DYRK1A: variants seen among roughly 807,000 people sequenced by gnomAD.
DYRK1A encodes the protein dual specificity tyrosine phosphorylation regulated kinase 1A.
A neutral mutation model predicts 79.7 loss-of-function variants in DYRK1A; 9 were observed. The ratio of observed to expected loss-of-function variants is 0.11; its 90% CI spans 0.07 to 0.20. The LOEUF is 0.20. Ranked by LOEUF, DYRK1A falls within the 10% of genes least tolerant of loss-of-function variation. The pLI, the probability that DYRK1A is intolerant of heterozygous loss-of-function variation, is 1.00. For missense variants in DYRK1A, 622 were observed against 956.0 expected (o/e 0.65, Z 4.61); for synonymous variants, 349 against 329.7 (o/e 1.06, Z -0.63).
At chr21:37,506,424 T>A in intron 11 of DYRK1A, 1 of 1,454,376 alleles carries the variant, frequency 6.9e-7, no homozygotes, top group Admixed American at 2.1e-5. Flanking sequence ...GGCTAACACT[T>A]ATTGGGGGCA....
chr21:37,478,262 T>G lies in DYRK1A; in HGVS notation c.262T>G (p.Ser88Ala). ...AGCAACTGCTCCCCTGAGAAAACTTTCTGTTGACTTGATCAAAACATACAA... is the reference window on the plus strand; with the variant it reads ...AGCAACTGCTCCCCTGAGAAAACTTGCTGTTGACTTGATCAAAACATACAA... ...DPATAPLRKLSVDLIKTYKHI... is the reference protein window; with the variant it reads ...DPATAPLRKLAVDLIKTYKHI... The change falls in exon 4 of 12, where the codon TCT becomes GCT. Residue 88 changes from serine (S) to alanine (A), a missense_variant. Physicochemically the swap from Ser to Ala is moderately conservative, Grantham distance 99. Around this residue, in one of 5 missense-constraint regions of DYRK1A, gnomAD observed 91 missense variants for 113.8 expected, o/e 0.80. Transcript: ENST00000647188. 1 of 1,614,106 alleles carries G rather than the reference T, an allele frequency of 6.2e-7. No homozygotes were observed. Among genetic ancestry groups the G allele is most frequent in the South Asian group, 1.1e-5 (1 of 91,072 alleles).
Position 37,493,070 on chromosome 21 carries a change from A to C in DYRK1A, c.978A>C (p.Gly326=). The change falls in exon 8 of 12, where the codon GGA becomes GGC. Residue 326 remains glycine (G), a synonymous_variant. Coordinates refer to ENST00000647188, the MANE Select transcript of DYRK1A (RefSeq NM_001347721.2). The part of the protein sequence containing the change: ...RFYRSPEVLL[G]MPYDLAIDMW... ...ATCGGTCTCCAGAGGTGCTACTGGG[A>C]ATGCCTTATGACCTTGCCATTGATA... The C allele has an allele frequency of 6.5e-7, 1 of 1,541,526 alleles. No individual in the cohort carries two copies. The highest frequency in any genetic ancestry group is 8.8e-7 in the Non-Finnish European group (1 of 1,131,316).
At chr21:37,439,934 T>C (rs2051042168) in intron 2 of DYRK1A, among the ~76,000 whole-genome samples, 1 of 152,100 alleles carries the variant, frequency 6.6e-6, no homozygotes, top group African/African-American at 2.4e-5. Context: ...TAGTGTTTGC[T>C]GAAATAAAGG....
chr21:37,474,088 G>A (rs145144520), intron 3 of DYRK1A, among the ~76,000 whole-genome samples: 71 of 152,252 alleles, frequency 4.7e-4, no homozygotes, highest in African/African-American at 4.1e-4. Context: ...AAAGGACTGC[G>A]CTCCCATTTG....
intron 1 of DYRK1A, among the ~76,000 whole-genome samples, chr21:37,404,805 G>A (rs1413684755): frequency 1.3e-5 from 2 of 152,212 alleles, no homozygotes. Context: ...AGCAGGATAT[G>A]TGAGGATTAC....
intron 1 of DYRK1A, among the ~76,000 whole-genome samples, chr21:37,394,198 C>T (rs1434200269): frequency 4.7e-5 from 7 of 149,658 alleles, no homozygotes; most frequent in Non-Finnish European, 4.5e-5. Flanking sequence ...TTTTGTAATG[C>T]AGTGGTGTAT....
intron 2 of DYRK1A, among the ~76,000 whole-genome samples, chr21:37,468,251 A>G (rs967373257): frequency 9.9e-5 from 15 of 151,578 alleles, no homozygotes; most frequent in Non-Finnish European, 1.5e-4. Flanking sequence ...AATTGGAACT[A>G]CAGGTGTGCG....
At chr21:37,487,708 C>A (rs898531593) in intron 6 of DYRK1A, 9 of 152,150 alleles carry the variant, frequency 5.9e-5, no homozygotes, top group Non-Finnish European at 1.0e-4. Flanking sequence ...AAGGGGCAAG[C>A]TTCAGATTGT....
chr21:37,479,495 A>G lies in DYRK1A; in HGVS notation c.301-1143A>G, dbSNP rs1168008153. 2.0e-5 allele frequency among the ~76,000 whole-genome samples: 3 copies of G among 148,042 alleles called. No individual in the cohort carries two copies. In the East Asian group the frequency reaches 5.9e-4, roughly 29 times the overall value. ...GATGTTATTCCATGCAGTGTAATTT[A>G]TAATTTCGCCAAAGTTAGTTTACCA... is the stretch of plus-strand genomic sequence containing the variant. On this transcript the variant is annotated intron_variant, in intron 4 of 11. Coordinates refer to ENST00000647188, the MANE Select transcript of DYRK1A (RefSeq NM_001347721.2).
chr21:37,448,952 C>A (rs548288728), intron 2 of DYRK1A, among the ~76,000 whole-genome samples: 1 of 152,178 alleles, frequency 6.6e-6, no homozygotes, highest in Non-Finnish European at 1.5e-5. Flanking sequence ...CCTGCCTTAG[C>A]CTCCCAAAAT....
intron 8 of DYRK1A, among the ~76,000 whole-genome samples, chr21:37,494,385 C>T (rs568192201): frequency 3.9e-5 from 6 of 152,126 alleles, no homozygotes; most frequent in Admixed American, 6.5e-5. Context: ...ATTCCTACTT[C>T]CTCTGATGCC....
intron 1 of DYRK1A, chr21:37,419,301 T>C (rs1381168050): frequency 1.3e-5 from 2 of 152,174 alleles, no homozygotes. Context: ...GCAGGATGAT[T>C]GGGATGACAT....
chr21:37,420,237 C>T lies in DYRK1A; in HGVS notation c.-76-62C>T. On this transcript the variant is annotated intron_variant, in intron 1 of 11. Transcript: ENST00000647188. ...GGGATTGTAGTTATGTTAGATATTC[C>T]TCAGTTGGGGTAATTGTCTTGCATC... 10 of 546,100 alleles carry T rather than the reference C, an allele frequency of 1.8e-5. No individual in the cohort carries two copies. In the South Asian group the frequency reaches 2.0e-4, roughly 11 times the overall value. 33.8% of individuals were successfully genotyped at this position (546,100 alleles called of 1,614,324 possible). A position where few individuals can be genotyped will look rare whatever the true frequency, so the allele number is the denominator to read the frequency against.
rs1443967569 is a variant in DYRK1A, at chr21:37,526,110, G to A, written c.*13579G>A. Reference sequence around the variant, plus strand: ...CCCATGTTGTTAAAAGTTAAAAAAAGAAGAGCTCCATTCCCACACACATTT... The same window carrying A: ...CCCATGTTGTTAAAAGTTAAAAAAAAAAGAGCTCCATTCCCACACACATTT... On this transcript the variant is annotated 3_prime_UTR_variant, in exon 12 of 12. Coordinates refer to ENST00000647188, the MANE Select transcript of DYRK1A (RefSeq NM_001347721.2). 6.6e-6 allele frequency: 1 copy of A among 152,142 alleles called. No homozygotes were observed. Among genetic ancestry groups the A allele is most frequent in the Non-Finnish European group, 1.5e-5 (1 of 68,018 alleles). The allele number at this position is 152,142 out of a possible 1,614,324, so 9.4% of individuals were successfully genotyped here. A position where few individuals can be genotyped will look rare whatever the true frequency, so the allele number is the denominator to read the frequency against.
chr21:37,375,561 T>G (rs1263532389), intron 1 of DYRK1A, among the ~76,000 whole-genome samples: 1 of 148,888 alleles, frequency 6.7e-6, no homozygotes, highest in Non-Finnish European at 1.5e-5. Context: ...GTTTCACTTT[T>G]GTCACCCAGG....
intron 11 of DYRK1A, among the ~76,000 whole-genome samples, chr21:37,508,445 G>A (rs151167853): frequency 8.0e-4 from 122 of 152,202 alleles, no homozygotes; most frequent in Middle Eastern, 3.4e-3. Flanking sequence ...ACATCACCAT[G>A]CTGGCTAATT....
chr21:37,384,070 A>G (rs1355267479), intron 1 of DYRK1A, among the ~76,000 whole-genome samples: 1 of 152,158 alleles, frequency 6.6e-6, no homozygotes, highest in African/African-American at 2.4e-5. Context: ...TGTGATGGCC[A>G]GTTTTCTGCT....
intron 9 of DYRK1A, among the ~76,000 whole-genome samples, chr21:37,496,659 A>G (rs749226683): frequency 2.6e-5 from 4 of 151,236 alleles, no homozygotes; most frequent in Non-Finnish European, 5.9e-5. Flanking sequence ...TTTTTTTTTT[A>G]AGTTCAGTTG....
chr21:37,369,604 T>G (rs1246072341), intron 1 of DYRK1A, among the ~76,000 whole-genome samples: 1 of 152,250 alleles, frequency 6.6e-6, no homozygotes, highest in East Asian at 1.9e-4. Flanking sequence ...TGTAAAAAGT[T>G]CATTTTTACC....
Sources: gnomAD v4.1 joint callset for allele counts (sites outside exome capture counted in the v4.1 genomes callset) on GRCh38, gnomAD v4.1.1 for gene constraint, gnomAD v4.1.1 regional missense constraint, MANE v1.5 for transcripts, NCBI Gene and HGNC (gene_info 2026-07-23, HGNC 2026-07-21) for gene names.